Variants in FGGY observed in about 807,000 individuals in gnomAD.
FGGY encodes the protein FGGY carbohydrate kinase domain containing.
In FGGY, 72 loss-of-function variants were observed where a neutral mutation model predicts 71.3. The observed-to-expected ratio is 1.01, with a 90% CI of 0.84 to 1.23. FGGY has a LOEUF of 1.23. Among genes scored for constraint, FGGY ranks in the 50% most tolerant of loss-of-function variants. FGGY has a pLI of 0.00. For missense variants in FGGY, 668 were observed against 682.3 expected (o/e 0.98, Z 0.23); for synonymous variants, 251 against 250.3 (o/e 1.00, Z -0.02).
intron 7 of FGGY, among the ~76,000 whole-genome samples, chr1:59,547,153 A>G (rs776807312): frequency 3.4e-5 from 5 of 148,926 alleles, no homozygotes; most frequent in Non-Finnish European, 6.0e-5. Context: ...GGGTTTCACC[A>G]TATTAGCCAG....
At position 59,660,239 on chromosome 1, in the gene FGGY, T is replaced by C; in HGVS notation, c.1242T>C (p.Ser414=). 1 of 1,613,612 alleles carries C rather than the reference T, an allele frequency of 6.2e-7. No homozygotes were observed. Among genetic ancestry groups the C allele is most frequent in the Non-Finnish European group, 8.5e-7 (1 of 1,179,984 alleles). ...TGCAGGTCACCGGATTGAAACTGTC[T>C]CAGGACCTTGATGATCTTGCCATTC... ...LKGMVTGLKL[S]QDLDDLAILY... The change falls in exon 12 of 16, where the codon TCT becomes TCC. Residue 414 remains serine (S), a synonymous_variant. Transcript: ENST00000303721.
intron 9 of FGGY, among the ~76,000 whole-genome samples, chr1:59,616,078 T>C (rs879102874): frequency 2.0e-5 from 3 of 152,158 alleles, no homozygotes; most frequent in African/African-American, 7.2e-5. Context: ...GTCAGTGTGG[T>C]GATTCCTCAG....
At chr1:59,621,967 A>G (rs1163829124) in intron 9 of FGGY, among the ~76,000 whole-genome samples, 1 of 151,662 alleles carries the variant, frequency 6.6e-6, no homozygotes. Flanking sequence ...TGCCCCTGAG[A>G]GACTCAGGGT....
intron 14 of FGGY, among the ~76,000 whole-genome samples, chr1:59,690,792 G>T (rs1473951987): frequency 1.3e-5 from 2 of 152,198 alleles, no homozygotes; most frequent in African/African-American, 4.8e-5. Flanking sequence ...GGCACTGCTG[G>T]GGATGGACTT....
chr1:59,386,721 A>G (rs1042486631), intron 5 of FGGY, among the ~76,000 whole-genome samples: 1 of 152,162 alleles, frequency 6.6e-6, no homozygotes, highest in African/African-American at 2.4e-5. Context: ...GCTTTGAACT[A>G]AAATAAATTA....
chr1:59,684,448 C>T (rs1170191220), intron 14 of FGGY, among the ~76,000 whole-genome samples: 5 of 152,160 alleles, frequency 3.3e-5, no homozygotes. Context: ...GGAGCTAGAA[C>T]TCAGGGTACC....
rs1052212276 is a variant in FGGY, at chr1:59,425,582, G to T, written c.555-31379G>T. 3.3e-5 allele frequency among the ~76,000 whole-genome samples: 5 copies of T among 152,292 alleles called. No individual in the cohort carries two copies. In the South Asian group the frequency reaches 6.2e-4, roughly 19 times the overall value. On this transcript the variant is annotated intron_variant, in intron 5 of 15. Coordinates refer to ENST00000303721, the MANE Select transcript of FGGY (RefSeq NM_018291.5). ...AACCGCATTGCCTGGCTTTCCTTCTGCAGGCTCTGCCTCATGCCTGTGTTC... is the reference window on the plus strand; with the variant it reads ...AACCGCATTGCCTGGCTTTCCTTCTTCAGGCTCTGCCTCATGCCTGTGTTC...
chr1:59,458,067 G>A (rs902962124), intron 6 of FGGY, among the ~76,000 whole-genome samples: 45 of 152,312 alleles, frequency 3.0e-4, no homozygotes, highest in African/African-American at 9.4e-4. Flanking sequence ...AGTCAGGATC[G>A]AAATTCTCCC....
intron 14 of FGGY, among the ~76,000 whole-genome samples, chr1:59,706,016 G>A (rs2097755398): frequency 6.6e-6 from 1 of 152,182 alleles, no homozygotes; most frequent in Admixed American, 6.5e-5. Context: ...GCTCAATGCT[G>A]GAAAATTCTC....
intron 8 of FGGY, among the ~76,000 whole-genome samples, chr1:59,580,663 G>A (rs1282446642): frequency 6.6e-6 from 1 of 152,130 alleles, no homozygotes; most frequent in Non-Finnish European, 1.5e-5. Flanking sequence ...TTGTAGAATT[G>A]TAAAGTAGCT....
chr1:59,506,423 C>G (rs141353847), intron 6 of FGGY, among the ~76,000 whole-genome samples: 25 of 152,104 alleles, frequency 1.6e-4, no homozygotes, highest in African/African-American at 5.5e-4. Flanking sequence ...AGTTCCAAAT[C>G]TATACCTTAA....
intron 9 of FGGY, among the ~76,000 whole-genome samples, chr1:59,614,178 T>A (rs978349982): frequency 1.3e-5 from 2 of 152,250 alleles, no homozygotes; most frequent in Admixed American, 6.5e-5. Flanking sequence ...TACCAAAGCC[T>A]GGCAGAGACA....
rs116347168 is a variant in FGGY, at chr1:59,368,013, C to T, written c.466-10736C>T. Among the ~76,000 whole-genome samples, 447 of 152,230 alleles carry T rather than the reference C, an allele frequency of 2.9e-3. 4 individuals are homozygous for T. Among genetic ancestry groups the T allele is most frequent in the African/African-American group, 9.8e-3 (405 of 41,512 alleles). ...AAGGCTTTTGTGCCAAGTCATATAACCCAAATCACTTTTCTTTTTTTCTTG... is the reference window on the plus strand; with the variant it reads ...AAGGCTTTTGTGCCAAGTCATATAATCCAAATCACTTTTCTTTTTTTCTTG... On this transcript the variant is annotated intron_variant, in intron 4 of 15. Transcript: ENST00000303721.
intron 5 of FGGY, among the ~76,000 whole-genome samples, chr1:59,456,361 T>C (rs548217968): frequency 6.6e-6 from 1 of 152,126 alleles, no homozygotes; most frequent in Non-Finnish European, 1.5e-5. Flanking sequence ...TTTCTAATTA[T>C]CTCACAAATG....
intron 6 of FGGY, among the ~76,000 whole-genome samples, chr1:59,496,702 A>G (rs902938871): frequency 3.3e-5 from 5 of 152,188 alleles, no homozygotes; most frequent in African/African-American, 1.2e-4. Context: ...AAAATAAAAT[A>G]GATGAACAAA....
intron 11 of FGGY, among the ~76,000 whole-genome samples, chr1:59,644,335 C>T (rs1291640730): frequency 6.6e-6 from 1 of 152,170 alleles, no homozygotes; most frequent in East Asian, 1.9e-4. Flanking sequence ...TGACTCCTAT[C>T]ATGTGACTAG....
chr1:59,553,265 C>T (rs1342172446), intron 7 of FGGY, among the ~76,000 whole-genome samples: 1 of 152,176 alleles, frequency 6.6e-6, no homozygotes, highest in Non-Finnish European at 1.5e-5. Flanking sequence ...GTGTTGTAGT[C>T]CTGCAAGTCT....
At chr1:59,320,135 C>T (rs1484928210) in intron 1 of FGGY, among the ~76,000 whole-genome samples, 1 of 152,174 alleles carries the variant, frequency 6.6e-6, no homozygotes. Flanking sequence ...ACTTCTGCAG[C>T]TTCTCCATTT....
intron 5 of FGGY, among the ~76,000 whole-genome samples, chr1:59,390,776 A>G (rs2060599336): frequency 6.6e-6 from 1 of 152,214 alleles, no homozygotes; most frequent in South Asian, 2.1e-4. Flanking sequence ...CCAGTATCAC[A>G]GACACCAATT....
Sources: allele counts gnomAD v4.1 joint callset (sites outside exome capture counted in the v4.1 genomes callset), GRCh38; gene constraint gnomAD v4.1.1; transcripts MANE v1.5; gene names NCBI Gene and HGNC (gene_info 2026-07-23, HGNC 2026-07-21).